The following GABBR1 variants were observed in gnomAD, a reference collection of about 807,000 sequenced individuals.
The protein encoded by GABBR1 is gamma-aminobutyric acid type B receptor subunit 1, also known as GABA-B receptor, R1 subunit.
A neutral mutation model predicts 117.7 loss-of-function variants in GABBR1; 35 were observed. The observed-to-expected ratio is 0.30, with a 90% CI of 0.23 to 0.39. The LOEUF is 0.39. Ranked by LOEUF, GABBR1 falls within the 10% of genes least tolerant of loss-of-function variation. GABBR1 has a pLI of 1.00. For synonymous variants in GABBR1, 442 were observed against 486.6 expected, an observed-to-expected ratio of 0.91 and a Z score of 1.21; for missense variants, 709 against 1,241.8, an observed-to-expected ratio of 0.57 and a Z score of 6.45.
At chr6:29,624,896 C>T (rs1426811803) in intron 6 of GABBR1, among the ~76,000 whole-genome samples, 2 of 152,022 alleles carry the variant, frequency 1.3e-5, no homozygotes, top group South Asian at 2.1e-4. Flanking sequence ...CTGCTGGAAC[C>T]CCAATGCATG....
Position 29,604,660 on chromosome 6 carries a change from G to C in GABBR1, c.2569-23C>G. On this transcript the variant is annotated intron_variant, in intron 21 of 22. Transcript: ENST00000377034. The surrounding 1 kb of genome is among the most constrained non-coding windows in gnomAD (Gnocchi z 5.3). ...CATCTGGGGGCAAATGTTTGGGCGTGGGGTGGCCCAGCAAGGACTGTACTA... is the reference window on the plus strand; with the variant it reads ...CATCTGGGGGCAAATGTTTGGGCGTCGGGTGGCCCAGCAAGGACTGTACTA... 6.2e-7 allele frequency: 1 copy of C among 1,613,148 alleles called. No homozygotes were observed. Among genetic ancestry groups the C allele is most frequent in the Non-Finnish European group, 8.5e-7 (1 of 1,180,024 alleles).
Position 29,613,220 on chromosome 6 carries a change from G to T in GABBR1, c.1566+23C>A. 6.2e-7 allele frequency: 1 copy of T among 1,609,898 alleles called. No homozygotes were observed. The highest frequency in any genetic ancestry group is 8.5e-7 in the Non-Finnish European group (1 of 1,177,348). Reference sequence around the variant, plus strand: ...CTCTCAAGATTGGGAAGACAGGGGAGTATGAAGGAAGTTTTAACTCACAGA... The same window carrying T: ...CTCTCAAGATTGGGAAGACAGGGGATTATGAAGGAAGTTTTAACTCACAGA... On this transcript the variant is annotated intron_variant, in intron 12 of 22. Coordinates refer to ENST00000377034, the MANE Select transcript of GABBR1 (RefSeq NM_001470.4). This position sits in a 1 kb window ranked among gnomAD's most constrained non-coding sequence, Gnocchi z 4.1.
chr6:29,607,368 C>G lies in GABBR1; in HGVS notation c.1993-150G>C. Reference sequence around the variant, plus strand: ...GGAGGATGCGAAAATGTGAGCAGGACGGGGAGCGGCAGGAGGAGAGCAGTC... The same window carrying G: ...GGAGGATGCGAAAATGTGAGCAGGAGGGGGAGCGGCAGGAGGAGAGCAGTC... On this transcript the variant is annotated intron_variant, in intron 16 of 22. Coordinates refer to ENST00000377034, the MANE Select transcript of GABBR1 (RefSeq NM_001470.4). The surrounding 1 kb of genome is among the most constrained non-coding windows in gnomAD (Gnocchi z 5.0). The G allele has an allele frequency of 1.5e-6, 1 of 652,812 alleles. No homozygotes were observed. Among genetic ancestry groups the G allele is most frequent in the Non-Finnish European group, 2.7e-6 (1 of 366,654 alleles). 40.4% of individuals were successfully genotyped at this position (652,812 alleles called of 1,614,324 possible).
Position 29,609,697 on chromosome 6 carries a change from C to G in GABBR1, c.1709-318G>C, listed in dbSNP as rs1048184341. ...TTGTTTGTTCTTTAAGTTTTTCTGT[C>G]TTTCTTACAGCAAAGGAAAATGGGA... is the stretch of plus-strand genomic sequence containing the variant. On this transcript the variant is annotated intron_variant, in intron 14 of 22. Coordinates refer to ENST00000377034, the MANE Select transcript of GABBR1 (RefSeq NM_001470.4). This position sits in a 1 kb window ranked among gnomAD's most constrained non-coding sequence, Gnocchi z 4.3. Among the ~76,000 whole-genome samples the G allele has an allele frequency of 3.3e-5, 5 of 152,056 alleles. No individual in the cohort carries two copies. Among genetic ancestry groups the G allele is most frequent in the African/African-American group, 1.2e-4 (5 of 41,396 alleles).
At position 29,607,165 on chromosome 6, in the gene GABBR1, G is replaced by A; in HGVS notation, c.2046C>T (p.Phe682=). The change falls in exon 17 of 23, where the codon TTC becomes TTT. Residue 682 remains phenylalanine (F), a synonymous_variant. Coordinates refer to ENST00000377034, the MANE Select transcript of GABBR1 (RefSeq NM_001470.4). This position sits in a 1 kb window ranked among gnomAD's most constrained non-coding sequence, Gnocchi z 5.0. ...LGFSLGYGSM[F]TKIWWVHTVF... ...CCGTGTGGACCCACCAAATCTTGGT[G>A]AACATGGAACCGTAGCCCAGACTAA... 5 of 1,614,178 alleles carry A rather than the reference G, an allele frequency of 3.1e-6. No individual in the cohort carries two copies. The highest frequency in any genetic ancestry group is 4.2e-6 in the Non-Finnish European group (5 of 1,180,050).
In GABBR1 at chr6:29,603,498, C is replaced by G; in HGVS notation, c.*45G>C. The G allele has an allele frequency of 6.6e-7, 1 of 1,514,096 alleles. No homozygotes were observed. The highest frequency in any genetic ancestry group is 8.9e-7 in the Non-Finnish European group (1 of 1,118,040). The allele number at this position is 1,514,096 out of a possible 1,614,324, so 93.8% of individuals were successfully genotyped here. A position where few individuals can be genotyped will look rare whatever the true frequency, so the allele number is the denominator to read the frequency against. On this transcript the variant is annotated 3_prime_UTR_variant, in exon 23 of 23. Coordinates refer to ENST00000377034, the MANE Select transcript of GABBR1 (RefSeq NM_001470.4). Reference sequence around the variant, plus strand: ...TTCCTGAGTCCCCTGCCCTTCCCCTCTCCCTTTCCCTCCCCCTACTGGCCT... The same window carrying G: ...TTCCTGAGTCCCCTGCCCTTCCCCTGTCCCTTTCCCTCCCCCTACTGGCCT...
chr6:29,609,212 T>C lies in GABBR1; in HGVS notation c.1859+17A>G, dbSNP rs759121779. 6.2e-6 allele frequency: 10 copies of C among 1,612,116 alleles called. No individual in the cohort carries two copies. The Admixed American group carries it at 1.3e-4, about 21-fold the overall frequency. On this transcript the variant is annotated intron_variant, in intron 15 of 22. Transcript: ENST00000377034. This position sits in a 1 kb window ranked among gnomAD's most constrained non-coding sequence, Gnocchi z 4.3. ...CTCAGAGAGGCAGACAAGGAAAACG[T>C]CAGAAGAGAAACTTACCGGACATGT...
Position 29,622,297 on chromosome 6 carries a change from T to C in GABBR1, c.964-92A>G. 1 of 821,258 alleles carries C rather than the reference T, an allele frequency of 1.2e-6. No homozygotes were observed. The highest frequency in any genetic ancestry group is 2.1e-6 in the Non-Finnish European group (1 of 484,540). The allele number at this position is 821,258 out of a possible 1,614,324, so 50.9% of individuals were successfully genotyped here. A position where few individuals can be genotyped will look rare whatever the true frequency, so the allele number is the denominator to read the frequency against. ...TTAACTGGGGATTTCAGAGCAATAC[T>C]CAGATAGAGCAAAGAAGCAGCCATT... is the stretch of plus-strand genomic sequence containing the variant. On this transcript the variant is annotated intron_variant, in intron 8 of 22. Coordinates refer to ENST00000377034, the MANE Select transcript of GABBR1 (RefSeq NM_001470.4). The surrounding 1 kb of genome is among the most constrained non-coding windows in gnomAD (Gnocchi z 4.6).
At chr6:29,624,906 G>A (rs1231153238) in intron 6 of GABBR1, among the ~76,000 whole-genome samples, 1 of 152,126 alleles carries the variant, frequency 6.6e-6, no homozygotes, top group African/African-American at 2.4e-5. Flanking sequence ...CCCAATGCAT[G>A]TGAAGACGAA....
intron 4 of GABBR1, 75 bp from the exon 5 acceptor site, chr6:29,629,182 C>T: frequency 6.6e-7 from 1 of 1,513,888 alleles, no homozygotes. Context: ...TCCCCAGCCC[C>T]CTCCCACACC....
chr6:29,632,458 T>C lies in GABBR1; in HGVS notation c.1-73A>G. 8.3e-7 allele frequency: 1 copy of C among 1,204,738 alleles called. No homozygotes were observed. Among genetic ancestry groups the C allele is most frequent in the Admixed American group, 4.1e-5 (1 of 24,410 alleles). 74.6% of individuals were successfully genotyped at this position (1,204,738 alleles called of 1,614,324 possible). On this transcript the variant is annotated intron_variant, in intron 1 of 22. Coordinates refer to ENST00000377034, the MANE Select transcript of GABBR1 (RefSeq NM_001470.4). The surrounding 1 kb of genome is among the most constrained non-coding windows in gnomAD (Gnocchi z 5.8). ...GCCCGCACCCGGAGACTACTCGACC[T>C]CTTGCCGGTTGCCTCGCAGGCTCCG... is the stretch of plus-strand genomic sequence containing the variant.
chr6:29,603,517 C>G lies in GABBR1; in HGVS notation c.*26G>C. ...TCCCCTCTCCCTTTCCCTCCCCCTA[C>G]TGGCCTGTCCTCCCTCACCCTACCC... On this transcript the variant is annotated 3_prime_UTR_variant, in exon 23 of 23. Transcript: ENST00000377034. 1 of 1,539,168 alleles carries G rather than the reference C, an allele frequency of 6.5e-7. No individual in the cohort carries two copies. Among genetic ancestry groups the G allele is most frequent in the Non-Finnish European group, 8.8e-7 (1 of 1,140,286 alleles).
intron 12 of GABBR1, 56 bp from the exon 13 acceptor site, chr6:29,612,670 G>C: frequency 7.3e-7 from 1 of 1,377,900 alleles, no homozygotes; most frequent in Non-Finnish European, 1.0e-6. Context: ...GAGTGAAAGA[G>C]AACATCAGGG....
chr6:29,604,567 G>T lies in GABBR1; in HGVS notation c.2639C>A (p.Thr880Asn), dbSNP rs953460024. ...GGACTTCTCCTCCTCGTTGTTGTTG[G>T]TCGATGACCCTGTCTTCATGGTGTC... The part of the protein sequence containing the change: ...AQDTMKTGSS[T>N]NNNEEEKSRL... The change falls in exon 22 of 23, where the codon ACC becomes AAC. Residue 880 changes from threonine to asparagine, a missense_variant. Physicochemically the swap from Thr to Asn is moderately conservative, Grantham distance 65. This residue lies in a region of GABBR1 where 251 missense variants were observed against 445.3 expected (regional missense o/e 0.56). Transcript: ENST00000377034. This position sits in a 1 kb window ranked among gnomAD's most constrained non-coding sequence, Gnocchi z 5.3. The T allele has an allele frequency of 1.2e-6, 2 of 1,613,116 alleles. No homozygotes were observed. The highest frequency in any genetic ancestry group is 2.7e-5 in the African/African-American group (2 of 74,910).
At chr6:29,610,899 G>A (rs754144553) in intron 14 of GABBR1, 25 bp downstream of exon 14, 1 of 1,597,722 alleles carries the variant, frequency 6.3e-7, no homozygotes, top group Non-Finnish European at 8.6e-7. Flanking sequence ...GGGGCTGAAG[G>A]AAAATACAAA....
chr6:29,605,328 T>C lies in GABBR1; in HGVS notation c.2439+241A>G. On this transcript the variant is annotated intron_variant, in intron 20 of 22. Coordinates refer to ENST00000377034, the MANE Select transcript of GABBR1 (RefSeq NM_001470.4). This position sits in a 1 kb window ranked among gnomAD's most constrained non-coding sequence, Gnocchi z 4.2. ...GCAATTTAACGTCTCTGTGTTTCTG[T>C]TTCCTCACCTATAAAGTGGGGATAC... 1 of 574,610 alleles carries C rather than the reference T, an allele frequency of 1.7e-6. No individual in the cohort carries two copies. Among genetic ancestry groups the C allele is most frequent in the Non-Finnish European group, 3.0e-6 (1 of 328,834 alleles). 35.6% of individuals were successfully genotyped at this position (574,610 alleles called of 1,614,324 possible). A position where few individuals can be genotyped will look rare whatever the true frequency, so the allele number is the denominator to read the frequency against.
At position 29,627,799 on chromosome 6, in the gene GABBR1, G is replaced by A. The variant is rs923609405; in HGVS notation, c.497-153C>T. 1.0e-5 allele frequency: 15 copies of A among 1,440,708 alleles called. No individual in the cohort carries two copies. The highest frequency in any genetic ancestry group is 9.1e-6 in the Non-Finnish European group (10 of 1,101,804). The allele number at this position is 1,440,708 out of a possible 1,614,324, so 89.2% of individuals were successfully genotyped here. On this transcript the variant is annotated intron_variant, in intron 5 of 22. Transcript: ENST00000377034. This position sits in a 1 kb window ranked among gnomAD's most constrained non-coding sequence, Gnocchi z 4.4. ...AGGGGCCCCGGGCCCCATGGCGTGG[G>A]GGGCAGGGGTAGCTGTTGGGGAGCG...
At chr6:29,628,399 C>T (rs1764597795) in intron 5 of GABBR1, among the ~76,000 whole-genome samples, 1 of 151,866 alleles carries the variant, frequency 6.6e-6, no homozygotes, top group Non-Finnish European at 1.5e-5. Flanking sequence ...GGGGCTGGCG[C>T]CTGAGGTCTG....
At chr6:29,615,641 CA>C (rs1201484003) in intron 11 of GABBR1, among the ~76,000 whole-genome samples, 5 of 149,442 alleles carry the variant, frequency 3.3e-5, no homozygotes, top group Non-Finnish European at 5.9e-5. Context: ...CAGCCAGGCA[CA>C]GGGGGCTCAC....
Sources: allele counts gnomAD v4.1 joint callset (sites outside exome capture counted in the v4.1 genomes callset), GRCh38; gene constraint gnomAD v4.1.1; regional missense constraint gnomAD v4.1.1; non-coding constraint Gnocchi (gnomAD v3.1); transcripts MANE v1.5; gene names NCBI Gene and HGNC (gene_info 2026-07-23, HGNC 2026-07-21).